The following ANKRD44 variants were observed in gnomAD, a reference collection of about 807,000 sequenced individuals.
ANKRD44 encodes ankyrin repeat domain 44.
In ANKRD44, 35 loss-of-function variants were observed where a neutral mutation model predicts 116.0. The ratio of observed to expected loss-of-function variants is 0.30; its 90% CI spans 0.23 to 0.40. ANKRD44 has a LOEUF of 0.40. Ranked by LOEUF, ANKRD44 falls within the 10% of genes least tolerant of loss-of-function variation. ANKRD44 has a pLI of 1.00. For missense variants in ANKRD44, 1,014 were observed against 1,242.6 expected, an observed-to-expected ratio of 0.82 and a Z score of 2.77; for synonymous variants, 435 against 461.8, an observed-to-expected ratio of 0.94 and a Z score of 0.74.
At chr2:197,185,958 T>C (rs144919480) in intron 2 of ANKRD44, among the ~76,000 whole-genome samples, 2,982 of 152,316 alleles carry the variant, frequency 0.02, 49 homozygotes, top group South Asian at 0.036. Flanking sequence ...TACCCAATTC[T>C]GCTGTTGCAG....
At chr2:197,276,262 C>A (rs112775660) in intron 1 of ANKRD44, among the ~76,000 whole-genome samples, 8 of 103,818 alleles carry the variant, frequency 7.7e-5, no homozygotes, top group African/African-American at 2.4e-4. Context: ...GCAAAAAGAG[C>A]GAAACTTGGT....
chr2:197,237,526 A>G (rs1483632818), intron 1 of ANKRD44, among the ~76,000 whole-genome samples: 1 of 152,148 alleles, frequency 6.6e-6, no homozygotes, highest in African/African-American at 2.4e-5. Context: ...TGCCATTAAC[A>G]TTTTCACTAG....
chr2:197,055,944 C>T (rs1665998235), intron 16 of ANKRD44, among the ~76,000 whole-genome samples: 1 of 152,160 alleles, frequency 6.6e-6, no homozygotes, highest in Non-Finnish European at 1.5e-5. Flanking sequence ...GGCTGGAGTA[C>T]AGGAGTGCTA....
intron 1 of ANKRD44, among the ~76,000 whole-genome samples, chr2:197,193,980 C>T (rs1574246590): frequency 6.6e-6 from 1 of 152,190 alleles, no homozygotes; most frequent in East Asian, 1.9e-4. Context: ...GCAATAAAAA[C>T]AGGGATGATT....
intron 18 of ANKRD44, among the ~76,000 whole-genome samples, chr2:197,011,606 G>A (rs1325958312): frequency 6.6e-6 from 1 of 151,874 alleles, no homozygotes; most frequent in Non-Finnish European, 1.5e-5. Flanking sequence ...CCGAGTAGCT[G>A]GGACTACAGA....
chr2:197,277,273 C>T (rs1330622313), intron 1 of ANKRD44, among the ~76,000 whole-genome samples: 1 of 152,026 alleles, frequency 6.6e-6, no homozygotes, highest in Non-Finnish European at 1.5e-5. Context: ...ACGGAGTGCA[C>T]CAAGCCCTTC....
intron 3 of ANKRD44, among the ~76,000 whole-genome samples, chr2:197,138,564 G>A (rs981902788): frequency 2.0e-5 from 3 of 152,150 alleles, no homozygotes; most frequent in African/African-American, 7.2e-5. Flanking sequence ...CTACCTTTCT[G>A]GTTTAGCAAC....
At chr2:197,186,855 T>C (rs1289874364) in intron 2 of ANKRD44, among the ~76,000 whole-genome samples, 168 bp downstream of exon 2, 1 of 152,070 alleles carries the variant, frequency 6.6e-6, no homozygotes, top group Non-Finnish European at 1.5e-5. Flanking sequence ...CTGATTTCCA[T>C]TGTAACCCTA....
chr2:197,010,818 TA>T (rs533228505), intron 18 of ANKRD44, among the ~76,000 whole-genome samples: 2 of 152,226 alleles, frequency 1.3e-5, no homozygotes, highest in Non-Finnish European at 2.9e-5. Context: ...GTGAGGTTGA[TA>T]AAGGCTCTCC....
chr2:197,166,373 G>T (rs138188273), intron 2 of ANKRD44, among the ~76,000 whole-genome samples: 25 of 152,304 alleles, frequency 1.6e-4, no homozygotes, highest in African/African-American at 4.1e-4. Flanking sequence ...GCTTTTGAGA[G>T]CCAAGCATTG....
At chr2:196,990,366 C>T in intron 27 of ANKRD44, 1 of 1,031,174 alleles carries the variant, frequency 9.7e-7, no homozygotes, top group Non-Finnish European at 1.2e-6. Context: ...TCATAGCGAA[C>T]AGCTGCCTCT....
rs374386037 is a variant in ANKRD44, at chr2:197,013,633, C to T, written c.1802G>A (p.Arg601His). 1.3e-5 allele frequency: 21 copies of T among 1,613,996 alleles called. No individual in the cohort carries two copies. Among genetic ancestry groups the T allele is most frequent in the East Asian group, 8.9e-5 (4 of 44,898 alleles). ...VDLDIRDEKG[R>H]TALDLAAFKG... ...AAAGGCAGCCAGATCCAGAGCAGTG[C>T]GGCCTTTCTCATCCCTGATGTCCAG... Residue 601 changes from arginine to histidine, a missense_variant, in exon 18 of 28, where the codon CGC becomes CAC. Coordinates refer to ENST00000282272, the MANE Select transcript of ANKRD44 (RefSeq NM_001195144.2).
chr2:196,985,385 C>T (rs2075829737), downstream of ANKRD44, among the ~76,000 whole-genome samples: 1 of 152,162 alleles, frequency 6.6e-6, no homozygotes, highest in African/African-American at 2.4e-5. Context: ...AACTAATATA[C>T]CCAGTCTACT....
rs756841696 is a variant in ANKRD44 at position 197,025,256 on chromosome 2, T to C, written c.1662A>G (p.Arg554=). 2 of 1,611,156 alleles carry C rather than the reference T, an allele frequency of 1.2e-6. No homozygotes were observed. Among genetic ancestry groups the C allele is most frequent in the East Asian group, 4.5e-5 (2 of 44,886 alleles). The part of the protein sequence containing the change: ...HRQCLELLLE[R]TNSGFEESDS... ...CTGATTCTTCAAATCCACTGTTTGT[T>C]CTTTCCAAAAGCTGTGGAGACAAAA... The change falls in exon 17 of 28, where the codon AGA becomes AGG. Residue 554 remains arginine, a synonymous_variant. Transcript: ENST00000282272.
intron 1 of ANKRD44, among the ~76,000 whole-genome samples, chr2:197,206,205 T>C (rs1403498933): frequency 6.6e-6 from 1 of 152,206 alleles, no homozygotes; most frequent in Non-Finnish European, 1.5e-5. Context: ...ATGTGCAGCA[T>C]AGAGATGATG....
intron 2 of ANKRD44, among the ~76,000 whole-genome samples, chr2:197,172,460 G>A (rs1391994913): frequency 2.0e-5 from 3 of 152,156 alleles, no homozygotes; most frequent in Non-Finnish European, 2.9e-5. Context: ...CACCAGGAAC[G>A]TGCAGTGATG....
intron 2 of ANKRD44, among the ~76,000 whole-genome samples, chr2:197,170,016 C>G (rs965043178): frequency 1.3e-5 from 2 of 151,830 alleles, no homozygotes; most frequent in Non-Finnish European, 2.9e-5. Context: ...ATGGCAAAAC[C>G]CCATCTCTAC....
intron 1 of ANKRD44, among the ~76,000 whole-genome samples, chr2:197,247,988 G>A (rs2125820076): frequency 6.6e-6 from 1 of 152,172 alleles, no homozygotes; most frequent in African/African-American, 2.4e-5. Flanking sequence ...TAGGGACACG[G>A]CCTCCCTCCT....
At chr2:197,242,970 A>G (rs923425700) in intron 1 of ANKRD44, among the ~76,000 whole-genome samples, 6 of 152,230 alleles carry the variant, frequency 3.9e-5, no homozygotes, top group Admixed American at 2.6e-4. Flanking sequence ...GGATAAAGAG[A>G]TCACATTCTG....
Sources: allele counts gnomAD v4.1 joint callset (sites outside exome capture counted in the v4.1 genomes callset), GRCh38; gene constraint gnomAD v4.1.1; transcripts MANE v1.5; gene names NCBI Gene and HGNC (gene_info 2026-07-23, HGNC 2026-07-21).